GPATCH8: variants seen among roughly 807,000 people sequenced by gnomAD.
The protein encoded by GPATCH8 is G-patch domain containing 8.
Under a neutral mutation model 118.3 loss-of-function variants are expected in GPATCH8, and 18 were observed. That is an observed-to-expected ratio of 0.15 (90% CI 0.11 to 0.23). The LOEUF is 0.23. Ranked by LOEUF, GPATCH8 falls within the 10% of genes least tolerant of loss-of-function variation. GPATCH8 has a pLI of 1.00. For missense variants in GPATCH8, 1,631 were observed against 1,873.8 expected, an observed-to-expected ratio of 0.87 and a Z score of 2.39; for synonymous variants, 659 against 684.7, an observed-to-expected ratio of 0.96 and a Z score of 0.59.
At chr17:44,466,588 T>C (rs1233585715) in intron 2 of GPATCH8, among the ~76,000 whole-genome samples, 2 of 152,058 alleles carry the variant, frequency 1.3e-5, no homozygotes, top group Admixed American at 6.6e-5. Context: ...CCTTACCCAG[T>C]GTTCAGTGTC....
rs142200749 is a variant in GPATCH8, at chr17:44,397,922, G to A, written c.4155C>T (p.Ala1385=). The change falls in exon 8 of 8, where the codon GCC becomes GCT. Residue 1385 remains alanine (A), a synonymous_variant. Transcript: ENST00000591680. ...GAATGCCGATGGCGGCAGCAGCTGCGGCAGCATGATGTTGTAGGATGGCAT... is the reference window on the plus strand; with the variant it reads ...GAATGCCGATGGCGGCAGCAGCTGCAGCAGCATGATGTTGTAGGATGGCAT... ...VQHAILQHHA[A]AAAAAIGIHP... The A allele has an allele frequency of 6.1e-5, 99 of 1,612,598 alleles. No individual in the cohort carries two copies. In the African/African-American group the frequency reaches 7.2e-4, roughly 12 times the overall value.
rs555209771 is a variant in GPATCH8 at position 44,400,844 on chromosome 17, T to C, written c.1233A>G (p.Leu411=). ...HCKVKPNFPF[L]LFMRASEQMD... ...TTTGTTCACTGGCTCTCATAAAAAGTAGAAAGGGAAAATTAGGTTTTACTT... is the reference window on the plus strand; with the variant it reads ...TTTGTTCACTGGCTCTCATAAAAAGCAGAAAGGGAAAATTAGGTTTTACTT... Residue 411 remains leucine (L), a synonymous_variant, in exon 8 of 8, where the codon CTA becomes CTG. Transcript: ENST00000591680. 21 of 1,614,114 alleles carry C rather than the reference T, an allele frequency of 1.3e-5. No individual in the cohort carries two copies. Among genetic ancestry groups the C allele is most frequent in the African/African-American group, 5.3e-5 (4 of 75,042 alleles).
intron 6 of GPATCH8, among the ~76,000 whole-genome samples, chr17:44,413,939 C>CA (rs2049548972): frequency 6.6e-6 from 1 of 151,894 alleles, no homozygotes; most frequent in African/African-American, 2.4e-5. Flanking sequence ...AGTCCAATAT[C>CA]AAATTAATTT....
chr17:44,491,961 A>T (rs1389419349), intron 1 of GPATCH8, among the ~76,000 whole-genome samples: 1 of 152,188 alleles, frequency 6.6e-6, no homozygotes, highest in African/African-American at 2.4e-5. Flanking sequence ...AGAAATGGAC[A>T]TCCTGGGGAT....
chr17:44,399,019 AATGCCTCTCCTCAGGGCTCTC>A lies in GPATCH8; in HGVS notation c.3037_3057del (p.Glu1013_His1019del). ...GAACGAATGAAGTCCCGACGCCCAG[AATGCCTCTCCTCAGGGCTCTC>A]GTGACCCCATGATCTCTTCCTGGAG... On this transcript the variant is annotated inframe_deletion, in exon 8 of 8. Transcript: ENST00000591680. 6.2e-7 allele frequency: 1 copy of A among 1,614,006 alleles called. No individual in the cohort carries two copies. Among genetic ancestry groups the A allele is most frequent in the Non-Finnish European group, 8.5e-7 (1 of 1,179,952 alleles).
At position 44,397,891 on chromosome 17, in the gene GPATCH8, G is replaced by T; in HGVS notation, c.4186C>A (p.His1396Asn). Reference sequence around the variant, plus strand: ...TGGGCAAGTGGTTGGGGATGGGGGTGAGGGTGAATGCCGATGGCGGCAGCA... The same window carrying T: ...TGGGCAAGTGGTTGGGGATGGGGGTTAGGGTGAATGCCGATGGCGGCAGCA... ...AAAAAIGIHP[H>N]PHPQPLAQVH... Residue 1396 changes from histidine to asparagine, a missense_variant, in exon 8 of 8, where the codon CAC (histidine) becomes AAC (asparagine). Physicochemically the swap from His to Asn is moderately conservative, Grantham distance 68 (BLOSUM62 1). Around this residue, in one of 8 missense-constraint regions of GPATCH8, gnomAD observed 111 missense variants for 112.4 expected, o/e 0.99. Transcript: ENST00000591680. 1 of 1,610,972 alleles carries T rather than the reference G, an allele frequency of 6.2e-7. No homozygotes were observed. The highest frequency in any genetic ancestry group is 8.5e-7 in the Non-Finnish European group (1 of 1,177,302).
At chr17:44,498,037 A>G (rs1218959825) in intron 1 of GPATCH8, among the ~76,000 whole-genome samples, 2 of 152,212 alleles carry the variant, frequency 1.3e-5, no homozygotes, top group Non-Finnish European at 2.9e-5. Context: ...ATGTATCTCA[A>G]TTATGAAGCA....
intron 1 of GPATCH8, among the ~76,000 whole-genome samples, chr17:44,476,484 C>T (rs1029741618): frequency 3.3e-5 from 5 of 152,116 alleles, no homozygotes; most frequent in African/African-American, 9.7e-5. Context: ...GGATTACAGG[C>T]GTGAGCCACC....
chr17:44,448,476 G>A (rs1246348072), intron 3 of GPATCH8, among the ~76,000 whole-genome samples: 1 of 115,658 alleles, frequency 8.6e-6, no homozygotes, highest in Non-Finnish European at 1.7e-5. Flanking sequence ...TGAGGTGGGA[G>A]GATCACGTGA....
intron 6 of GPATCH8, among the ~76,000 whole-genome samples, chr17:44,414,638 G>A (rs972448294): frequency 1.3e-5 from 2 of 152,080 alleles, no homozygotes; most frequent in Admixed American, 1.3e-4. Flanking sequence ...AATTTAGTGG[G>A]TTTTAGTACA....
intron 2 of GPATCH8, chr17:44,467,058 A>G: frequency 1.8e-6 from 2 of 1,083,174 alleles, no homozygotes; most frequent in Non-Finnish European, 2.5e-6. Context: ...GCTATTTCCA[A>G]AAGCAGTGCA....
At position 44,498,467 on chromosome 17, in the gene GPATCH8, T is replaced by G. The variant is rs187570088; in HGVS notation, c.45+4859A>C. Among the ~76,000 whole-genome samples, 9 of 152,338 alleles carry G rather than the reference T, an allele frequency of 5.9e-5. No homozygotes were observed. In the East Asian group the frequency reaches 1.7e-3, roughly 29 times the overall value. ...CTTGATATGTCCCACATTTGAAAAGTGATTATATACCATTTACCCTTCAAA... is the reference window on the plus strand; with the variant it reads ...CTTGATATGTCCCACATTTGAAAAGGGATTATATACCATTTACCCTTCAAA... On this transcript the variant is annotated intron_variant, in intron 1 of 7. Coordinates refer to ENST00000591680, the MANE Select transcript of GPATCH8 (RefSeq NM_001002909.4).
intron 3 of GPATCH8, 53 bp from the exon 4 acceptor site, chr17:44,436,598 A>G (rs1377843914): frequency 1.2e-6 from 1 of 860,436 alleles, no homozygotes; most frequent in Non-Finnish European, 2.0e-6. Flanking sequence ...CCAACAGCTC[A>G]TTTTACACAT....
In GPATCH8 at chr17:44,400,681, T is replaced by C. The variant is rs1185633940; in HGVS notation, c.1396A>G (p.Lys466Glu). ...KTVSEVSEQP[K>E]ETSMTEPSEP... ...GAGGGCTCGGTCATGCTGGTTTCCT[T>C]CGGCTGCTCAGAGACTTCACTAACT... Residue 466 changes from lysine to glutamate, a missense_variant, in exon 8 of 8, where the codon AAG (lysine) becomes GAG (glutamate). Transcript: ENST00000591680. 2 of 1,611,432 alleles carry C rather than the reference T, an allele frequency of 1.2e-6. No individual in the cohort carries two copies. The highest frequency in any genetic ancestry group is 3.3e-5 in the Admixed American group (2 of 59,718).
At chr17:44,477,870 T>C (rs114417158) in intron 1 of GPATCH8, among the ~76,000 whole-genome samples, 22 of 152,172 alleles carry the variant, frequency 1.4e-4, no homozygotes, top group African/African-American at 5.1e-4. Context: ...AGCGCAGTGA[T>C]GCCATCTCAG....
In GPATCH8 at chr17:44,398,970, G is replaced by A. The variant is rs1436563680; in HGVS notation, c.3107C>T (p.Pro1036Leu). 2 of 1,614,132 alleles carry A rather than the reference G, an allele frequency of 1.2e-6. No homozygotes were observed. Among genetic ancestry groups the A allele is most frequent in the Non-Finnish European group, 1.7e-6 (2 of 1,180,020 alleles). The change falls in exon 8 of 8, where the codon CCC (proline) becomes CTC (leucine). Residue 1036 changes from proline to leucine, a missense_variant. Pro to Leu is a moderately conservative substitution (Grantham distance 98). This residue lies in a region of GPATCH8 where 922 missense variants were observed against 879.7 expected (regional missense o/e 1.05). Coordinates refer to ENST00000591680, the MANE Select transcript of GPATCH8 (RefSeq NM_001002909.4). ...IRSKIYRSQS[P>L]HYFRSGRGEG... ...TCCCCGGCCTGATCGGAAATAGTGG[G>A]GGGACTGGGAGCGGTAGATCTTAGA...
chr17:44,403,920 CTGACCTAA>C (rs1222770936), intron 7 of GPATCH8, among the ~76,000 whole-genome samples: 2 of 151,658 alleles, frequency 1.3e-5, no homozygotes, highest in African/African-American at 4.8e-5. Context: ...TCTCAAGCTC[CTGACCTAA>C]GGTGATCCAC....
chr17:44,502,896 G>A (rs542337881), intron 1 of GPATCH8, among the ~76,000 whole-genome samples: 2 of 152,338 alleles, frequency 1.3e-5, no homozygotes, highest in South Asian at 4.1e-4. Context: ...GACCCCAAAA[G>A]GATCCGTGAG....
At chr17:44,404,516 T>A (rs2049147580) in intron 7 of GPATCH8, among the ~76,000 whole-genome samples, 2 of 152,118 alleles carry the variant, frequency 1.3e-5, no homozygotes, top group Non-Finnish European at 2.9e-5. Flanking sequence ...TTATTGAGAA[T>A]CTTTGATGTG....
Sources: gnomAD v4.1 joint callset for allele counts (sites outside exome capture counted in the v4.1 genomes callset) on GRCh38, gnomAD v4.1.1 for gene constraint, gnomAD v4.1.1 regional missense constraint, MANE v1.5 for transcripts, NCBI Gene and HGNC (gene_info 2026-07-23, HGNC 2026-07-21) for gene names.